The following HCRTR1 variants were observed in gnomAD, a reference collection of about 807,000 sequenced individuals.
The protein encoded by HCRTR1 is orexin/Hypocretin receptor type 1.
Under a neutral mutation model 40.6 loss-of-function variants are expected in HCRTR1, and 28 were observed. The observed-to-expected ratio is 0.69, with a 90% CI of 0.51 to 0.95. HCRTR1 has a LOEUF of 0.95. HCRTR1 is among the 40% of genes least tolerant of loss of function. HCRTR1 has a pLI of 0.00. For synonymous variants in HCRTR1, 209 were observed against 230.0 expected (o/e 0.91, Z 0.83); for missense variants, 482 against 564.7 (o/e 0.85, Z 1.48).
At chr1:31,630,539 T>A (rs982039010), downstream of HCRTR1, 7 of 1,347,748 alleles carry the variant, frequency 5.2e-6, no homozygotes, top group Admixed American at 1.3e-4. Flanking sequence ...AAAGAAGAGA[T>A]GTCCACATAC....
chr1:31,626,823 C>G lies in HCRTR1; in HGVS notation c.1121C>G (p.Ser374Cys). 6.2e-7 allele frequency: 1 copy of G among 1,614,062 alleles called. No individual in the cohort carries two copies. The highest frequency in any genetic ancestry group is 1.1e-5 in the South Asian group (1 of 91,080). Residue 374 changes from serine to cysteine, a missense_variant, in exon 9 of 9, where the codon TCC becomes TGC. Physicochemically the swap from Ser to Cys is moderately radical, Grantham distance 112 (BLOSUM62 -1). Transcript: ENST00000403528. The surrounding 1 kb of genome is among the most constrained non-coding windows in gnomAD (Gnocchi z 4.6). ...CGGGAGCAGTTTAAGGCTGCCTTCTCCTGCTGCCTGCCTGGCCTGGGTCCC... is the reference window on the plus strand; with the variant it reads ...CGGGAGCAGTTTAAGGCTGCCTTCTGCTGCTGCCTGCCTGGCCTGGGTCCC... ...KFREQFKAAF[S>C]CCLPGLGPCG...
At chr1:31,632,526 C>T (rs1310945544), downstream of HCRTR1, 9 of 1,614,202 alleles carry the variant, frequency 5.6e-6, 1 homozygote, top group East Asian at 4.5e-5. Context: ...TAATGGAGCC[C>T]GAGCGGTCCC....
intron 4 of HCRTR1, among the ~76,000 whole-genome samples, chr1:31,620,037 C>T (rs544666852): frequency 5.3e-5 from 8 of 152,324 alleles, no homozygotes; most frequent in Admixed American, 2.6e-4. Flanking sequence ...GACACATACA[C>T]GACACCCTAG....
chr1:31,628,761 T>C (rs1640026129), downstream of HCRTR1, among the ~76,000 whole-genome samples: 1 of 152,042 alleles, frequency 6.6e-6, no homozygotes, highest in Admixed American at 6.5e-5. Context: ...TGAAGAAAAT[T>C]CAGGGGAGGT....
downstream of HCRTR1, chr1:31,629,853 G>A (rs1163928655): frequency 6.6e-6 from 1 of 152,234 alleles, no homozygotes; most frequent in African/African-American, 2.4e-5. Flanking sequence ...AATCATGGTG[G>A]AAAACATGGA....
downstream of HCRTR1, chr1:31,632,644 G>A (rs778537313): frequency 1.2e-5 from 19 of 1,612,822 alleles, no homozygotes; most frequent in Admixed American, 1.7e-5. Flanking sequence ...CATGTCTGAA[G>A]GTGAGGAGGG....
chr1:31,632,804 G>A (rs77538969), downstream of HCRTR1, among the ~76,000 whole-genome samples: 2,502 of 152,230 alleles, frequency 0.016, 84 homozygotes, highest in Admixed American at 0.074. Flanking sequence ...CACATCAAGC[G>A]TTGCACCGTC....
chr1:31,621,809 T>C (rs1181217690), intron 6 of HCRTR1, among the ~76,000 whole-genome samples: 2 of 152,244 alleles, frequency 1.3e-5, no homozygotes, highest in Non-Finnish European at 2.9e-5. Context: ...TATTAGTGGT[T>C]GGCGTTTATT....
downstream of HCRTR1, chr1:31,630,856 G>A (rs1016119085): frequency 2.5e-6 from 4 of 1,588,826 alleles, no homozygotes; most frequent in Non-Finnish European, 2.6e-6. Context: ...GAGAAGAGGG[G>A]CACACAGACC....
Position 31,627,480 on chromosome 1 carries a change from C to A in HCRTR1, c.*500C>A. ...CAGCGGGCCACGAGCACAGCCCCACCCTAACCAGGTGCCAAGGGCACACAC... is the reference window on the plus strand; with the variant it reads ...CAGCGGGCCACGAGCACAGCCCCACACTAACCAGGTGCCAAGGGCACACAC... On this transcript the variant is annotated 3_prime_UTR_variant, in exon 9 of 9. Transcript: ENST00000403528. 1.4e-6 allele frequency: 1 copy of A among 697,742 alleles called. No individual in the cohort carries two copies. The highest frequency in any genetic ancestry group is 2.2e-6 in the Non-Finnish European group (1 of 455,472). 43.2% of individuals were successfully genotyped at this position (697,742 alleles called of 1,614,324 possible).
Position 31,627,058 on chromosome 1 carries a change from G to T in HCRTR1, c.*78G>T. ...GGAAAGACAGCTGGATGTGGTGAAA[G>T]GCTGTGGCTTCAGTCCTGGGTTTCT... On this transcript the variant is annotated 3_prime_UTR_variant, in exon 9 of 9. Coordinates refer to ENST00000403528, the MANE Select transcript of HCRTR1 (RefSeq NM_001525.3). 4 of 1,538,528 alleles carry T rather than the reference G, an allele frequency of 2.6e-6. No homozygotes were observed. The highest frequency in any genetic ancestry group is 3.5e-6 in the Non-Finnish European group (4 of 1,148,146).
At chr1:31,631,029 G>C (rs563313230), downstream of HCRTR1, among the ~76,000 whole-genome samples, 1 of 152,352 alleles carries the variant, frequency 6.6e-6, no homozygotes, top group South Asian at 2.1e-4. Context: ...GTGTCTGGAT[G>C]CTCCCCTTAG....
intron 4 of HCRTR1, among the ~76,000 whole-genome samples, chr1:31,620,257 T>A (rs558436830): frequency 6.6e-6 from 1 of 152,312 alleles, no homozygotes; most frequent in South Asian, 2.1e-4. Context: ...CTAGAGGCAA[T>A]GCCCACACAC....
At chr1:31,630,454 G>C, downstream of HCRTR1, 1 of 748,608 alleles carries the variant, frequency 1.3e-6, no homozygotes, top group Non-Finnish European at 2.2e-6. Context: ...TGGTGGCTAT[G>C]ATGCAGGACT....
At position 31,619,520 on chromosome 1, in the gene HCRTR1, T is replaced by C; in HGVS notation, c.200-12T>C. On this transcript the variant is annotated splice_polypyrimidine_tract_variant and intron_variant, in intron 3 of 8. Coordinates refer to ENST00000403528, the MANE Select transcript of HCRTR1 (RefSeq NM_001525.3). ...GGCTCTGCCACCAGCTTCACCTCGCTGCACCCTGCAGTCTGCCTGGCCGTG... is the reference window on the plus strand; with the variant it reads ...GGCTCTGCCACCAGCTTCACCTCGCCGCACCCTGCAGTCTGCCTGGCCGTG... 1 of 1,613,944 alleles carries C rather than the reference T, an allele frequency of 6.2e-7. No homozygotes were observed. The highest frequency in any genetic ancestry group is 8.5e-7 in the Non-Finnish European group (1 of 1,179,956).
downstream of HCRTR1, chr1:31,630,652 G>A (rs758749113): frequency 7.4e-6 from 12 of 1,612,834 alleles, no homozygotes; most frequent in South Asian, 2.2e-5. Context: ...CGAAGTCCTC[G>A]AAGCTGAGCC....
chr1:31,633,641 G>A (rs1640176644), downstream of HCRTR1, among the ~76,000 whole-genome samples: 1 of 152,184 alleles, frequency 6.6e-6, no homozygotes, highest in Admixed American at 6.5e-5. Flanking sequence ...ACTGCGAGAT[G>A]GGGGAATGGG....
chr1:31,621,601 C>T lies in HCRTR1; in HGVS notation c.738+9C>T. On this transcript the variant is annotated intron_variant, in intron 6 of 8. Transcript: ENST00000403528. Reference sequence around the variant, plus strand: ...AGCTCTGGGGCCGCCAGGTGAGGCCCACTCTGGGCAGGGGCTAGGCCAGTC... The same window carrying T: ...AGCTCTGGGGCCGCCAGGTGAGGCCTACTCTGGGCAGGGGCTAGGCCAGTC... The T allele has an allele frequency of 6.3e-7, 1 of 1,594,544 alleles. No homozygotes were observed. Among genetic ancestry groups the T allele is most frequent in the Non-Finnish European group, 8.6e-7 (1 of 1,164,590 alleles).
chr1:31,617,982 T>C (rs1639765786), intron 1 of HCRTR1, 101 bp downstream of exon 1: 1 of 152,342 alleles, frequency 6.6e-6, no homozygotes, highest in Non-Finnish European at 1.5e-5. Context: ...ACCTGGGTGC[T>C]GGGAGACTGG....
Sources: allele counts gnomAD v4.1 joint callset (sites outside exome capture counted in the v4.1 genomes callset), GRCh38; gene constraint gnomAD v4.1.1; non-coding constraint Gnocchi (gnomAD v3.1); transcripts MANE v1.5; gene names NCBI Gene and HGNC (gene_info 2026-07-23, HGNC 2026-07-21).